The following SIPA1L2 variants were observed in gnomAD, a reference collection of about 807,000 sequenced individuals.
SIPA1L2 encodes signal induced proliferation associated 1 like 2.
SIPA1L2 carries 56 observed loss-of-function variants against 163.9 expected under a neutral mutation model. The ratio of observed to expected loss-of-function variants is 0.34; its 90% CI spans 0.28 to 0.43. The LOEUF (loss-of-function observed/expected upper bound fraction) is 0.43. Among genes scored for constraint, SIPA1L2 ranks in the 20% least tolerant of loss-of-function variants. The pLI, the probability that SIPA1L2 is intolerant of heterozygous loss-of-function variation, is 1.00. For missense variants in SIPA1L2, 1,974 were observed against 2,193.5 expected (o/e 0.90, Z 2.00); for synonymous variants, 877 against 865.7 (o/e 1.01, Z -0.23).
chr1:232,605,586 TG>T (rs1453911038), intron 1 of SIPA1L2, among the ~76,000 whole-genome samples: 9 of 152,060 alleles, frequency 5.9e-5, no homozygotes, highest in African/African-American at 1.7e-4. Flanking sequence ...CCCAGCTACT[TG>T]GGAGGTTGAG....
At chr1:232,427,727 C>T (rs1421679280) in intron 17 of SIPA1L2, among the ~76,000 whole-genome samples, 1 of 152,198 alleles carries the variant, frequency 6.6e-6, no homozygotes, top group Admixed American at 6.5e-5. Flanking sequence ...TCGAGTACTA[C>T]ATTGTGAATG....
At chr1:232,549,995 G>T (rs777843273) in intron 2 of SIPA1L2, among the ~76,000 whole-genome samples, 7 of 152,166 alleles carry the variant, frequency 4.6e-5, no homozygotes, top group Non-Finnish European at 1.0e-4. Flanking sequence ...TTTCTGTGCA[G>T]AAATAGAGAA....
At chr1:232,571,996 C>T (rs1462308270) in intron 2 of SIPA1L2, among the ~76,000 whole-genome samples, 1 of 152,206 alleles carries the variant, frequency 6.6e-6, no homozygotes, top group Admixed American at 6.5e-5. Flanking sequence ...CAAATGTGCT[C>T]CCTATTGTAT....
chr1:232,489,814 A>G (rs1665835716), intron 5 of SIPA1L2, among the ~76,000 whole-genome samples: 2 of 152,220 alleles, frequency 1.3e-5, no homozygotes, highest in Admixed American at 1.3e-4. Flanking sequence ...CTGGTTTAAA[A>G]TAAGTTGCAT....
chr1:232,523,443 T>A (rs887853191), intron 2 of SIPA1L2, among the ~76,000 whole-genome samples: 1 of 152,206 alleles, frequency 6.6e-6, no homozygotes, highest in African/African-American at 2.4e-5. Context: ...AAATCAGTCA[T>A]TCCAATTAAT....
chr1:232,629,250 TC>T (rs1403053782), intron 1 of SIPA1L2, among the ~76,000 whole-genome samples: 2 of 152,182 alleles, frequency 1.3e-5, no homozygotes, highest in Non-Finnish European at 2.9e-5. Flanking sequence ...CTGTAGGTGT[TC>T]CCAGGGATAT....
At chr1:232,483,642 C>G (rs1475673854) in intron 6 of SIPA1L2, 150 bp downstream of exon 6, 1 of 769,362 alleles carries the variant, frequency 1.3e-6, no homozygotes, top group Admixed American at 3.0e-5. Context: ...CTTTGTTCAT[C>G]TGAGGAAATC....
intron 2 of SIPA1L2, among the ~76,000 whole-genome samples, chr1:232,564,264 GTGTGTGTGTGTGTGTGTA>G (rs1411921866): frequency 4.9e-5 from 5 of 102,032 alleles, no homozygotes; most frequent in African/African-American, 8.4e-5. Context: ...GTGTGTGTGT[GTGTGTGTGTGTGTGTGTA>G]TGATGGAGTT....
In SIPA1L2 at chr1:232,483,953, T is replaced by C; in HGVS notation, c.1820A>G (p.His607Arg). ...TTTGCAATAAAGGATCCCGATCTTG[T>C]GCTGAAAGCTCAGCTGAAATGGGGG... is the stretch of plus-strand genomic sequence containing the variant. ...KLDEQGLSFQHKIGILYCKAG... is the reference protein window; with the variant it reads ...KLDEQGLSFQRKIGILYCKAG... The change falls in exon 6 of 23, where the codon CAC (histidine) becomes CGC (arginine). Residue 607 changes from histidine to arginine, a missense_variant. Coordinates refer to ENST00000674635, the MANE Select transcript of SIPA1L2 (RefSeq NM_020808.5). 6.2e-7 allele frequency: 1 copy of C among 1,609,234 alleles called. No homozygotes were observed. The highest frequency in any genetic ancestry group is 8.5e-7 in the Non-Finnish European group (1 of 1,178,716).
At chr1:232,511,635 C>T (rs923361228) in intron 3 of SIPA1L2, among the ~76,000 whole-genome samples, 1 of 152,160 alleles carries the variant, frequency 6.6e-6, no homozygotes, top group South Asian at 2.1e-4. Context: ...CTGAAGTGGA[C>T]AGAGTGACCT....
At chr1:232,458,046 C>T (rs556937174) in intron 10 of SIPA1L2, among the ~76,000 whole-genome samples, 14 of 152,292 alleles carry the variant, frequency 9.2e-5, no homozygotes, top group African/African-American at 3.4e-4. Context: ...TTAAAGCCTT[C>T]ATGACCTGCA....
chr1:232,417,642 A>G (rs1661336450), intron 18 of SIPA1L2, among the ~76,000 whole-genome samples: 1 of 152,062 alleles, frequency 6.6e-6, no homozygotes, highest in African/African-American at 2.4e-5. Flanking sequence ...GCTTAGGAAG[A>G]AAGGGTTCCA....
At chr1:232,603,338 C>A (rs182733289) in intron 1 of SIPA1L2, among the ~76,000 whole-genome samples, 6 of 152,132 alleles carry the variant, frequency 3.9e-5, no homozygotes, top group Admixed American at 3.9e-4. Flanking sequence ...GTGAAAGATG[C>A]CACTTAGGGA....
At chr1:232,615,660 T>C (rs184650632) in intron 1 of SIPA1L2, among the ~76,000 whole-genome samples, 4 of 152,352 alleles carry the variant, frequency 2.6e-5, no homozygotes, top group Admixed American at 2.6e-4. Context: ...TTACATCCCC[T>C]GATCCATGTC....
At chr1:232,526,871 G>A (rs972747683) in intron 2 of SIPA1L2, among the ~76,000 whole-genome samples, 3 of 152,128 alleles carry the variant, frequency 2.0e-5, no homozygotes, top group Non-Finnish European at 4.4e-5. Flanking sequence ...TGTGCCCAAG[G>A]ACTCTTCCCT....
At chr1:232,532,812 T>C (rs1471883664) in intron 2 of SIPA1L2, among the ~76,000 whole-genome samples, 3 of 152,172 alleles carry the variant, frequency 2.0e-5, no homozygotes, top group Non-Finnish European at 2.9e-5. Flanking sequence ...CCAGATTTCA[T>C]GTCCTTGTTA....
At position 232,515,515 on chromosome 1, in the gene SIPA1L2, C is replaced by T; in HGVS notation, c.-176G>A. ...CAGAATACAGTTTCTTCAAAGCCAA[C>T]TTGCTTCTCTGTTGTCGTAATAATG... On this transcript the variant is annotated 5_prime_UTR_variant, in exon 3 of 23. Transcript: ENST00000674635. 1 of 620,644 alleles carries T rather than the reference C, an allele frequency of 1.6e-6. No homozygotes were observed. Among genetic ancestry groups the T allele is most frequent in the African/African-American group, 1.8e-5 (1 of 54,578 alleles). 38.4% of individuals were successfully genotyped at this position (620,644 alleles called of 1,614,324 possible).
Position 232,465,332 on chromosome 1 carries a change from G to C in SIPA1L2, c.2328C>G (p.Phe776Leu). ...KGVTFPKSAV[F>L]RDFLLAKVIN... ...TTACTTTGGCTAAAAGGAAGTCCCGGAACACGGCTGACTTTGGAAAAGTTA... is the reference window on the plus strand; with the variant it reads ...TTACTTTGGCTAAAAGGAAGTCCCGCAACACGGCTGACTTTGGAAAAGTTA... Residue 776 changes from phenylalanine (F) to leucine (L), a missense_variant, in exon 9 of 23, where the codon TTC becomes TTG. Physicochemically the swap from Phe to Leu is conservative, Grantham distance 22 (BLOSUM62 0). Coordinates refer to ENST00000674635, the MANE Select transcript of SIPA1L2 (RefSeq NM_020808.5). This position sits in a 1 kb window ranked among gnomAD's most constrained non-coding sequence, Gnocchi z 4.1. The C allele has an allele frequency of 1.2e-6, 2 of 1,614,148 alleles. No homozygotes were observed. Among genetic ancestry groups the C allele is most frequent in the Non-Finnish European group, 1.7e-6 (2 of 1,180,024 alleles).
intron 2 of SIPA1L2, among the ~76,000 whole-genome samples, chr1:232,541,853 T>C (rs928378021): frequency 1.6e-4 from 7 of 43,560 alleles, no homozygotes; most frequent in Admixed American, 4.0e-4. Flanking sequence ...TCCTACAGAT[T>C]TAAAAAAAAA....
Sources: gnomAD v4.1 joint callset for allele counts (sites outside exome capture counted in the v4.1 genomes callset) on GRCh38, gnomAD v4.1.1 for gene constraint, Gnocchi (gnomAD v3.1) non-coding constraint, MANE v1.5 for transcripts, NCBI Gene and HGNC (gene_info 2026-07-23, HGNC 2026-07-21) for gene names.